DTL: variants seen among roughly 807,000 people sequenced by gnomAD.
The protein encoded by DTL is denticleless protein homolog.
A neutral mutation model predicts 87.0 loss-of-function variants in DTL; 46 were observed. That is an observed-to-expected ratio of 0.53 (90% confidence interval 0.42 to 0.68). DTL has a LOEUF of 0.68. Ranked by LOEUF, DTL falls within the 30% of genes least tolerant of loss-of-function variation. The probability of loss-of-function intolerance (pLI) is 0.00; values close to 1 mark genes in which losing one functional copy is unlikely to be tolerated. For synonymous variants in DTL, 308 were observed against 311.2 expected, an observed-to-expected ratio of 0.99 and a Z score of 0.11; for missense variants, 737 against 869.4, an observed-to-expected ratio of 0.85 and a Z score of 1.91.
rs1045981543 is a variant in DTL at position 212,101,052 on chromosome 1, A to G, written c.2062A>G (p.Arg688Gly). Residue 688 changes from arginine to glycine, a missense_variant, in exon 14 of 15, where the codon AGG becomes GGG. Coordinates refer to ENST00000366991, the MANE Select transcript of DTL (RefSeq NM_016448.4). Reference sequence around the variant, plus strand: ...TCCGTCATCCCAGACACCCAATTCCAGGAGACAGAGCGGAAAGAAATTGCC... The same window carrying G: ...TCCGTCATCCCAGACACCCAATTCCGGGAGACAGAGCGGAAAGAAATTGCC... Reference protein sequence around the residue: ...RSPSSQTPNSRRQSGKKLPSP... With the variant: ...RSPSSQTPNSGRQSGKKLPSP... 2 of 1,612,254 alleles carry G rather than the reference A, an allele frequency of 1.2e-6. No individual in the cohort carries two copies. The highest frequency in any genetic ancestry group is 1.7e-6 in the Non-Finnish European group (2 of 1,179,092).
intron 1 of DTL, among the ~76,000 whole-genome samples, chr1:212,036,414 A>T (rs1667463817): frequency 6.6e-6 from 1 of 152,204 alleles, no homozygotes; most frequent in Non-Finnish European, 1.5e-5. Flanking sequence ...AAGACAGGAT[A>T]TCTGCTTCTA....
chr1:212,044,211 A>G (rs114833707), intron 2 of DTL, among the ~76,000 whole-genome samples: 1,642 of 152,342 alleles, frequency 0.011, 30 homozygotes, highest in African/African-American at 0.037. Flanking sequence ...TTTGTTTGCC[A>G]TTGGCCAGTA....
intron 13 of DTL, among the ~76,000 whole-genome samples, chr1:212,087,392 C>CA (rs780944964): frequency 3.8e-4 from 57 of 151,468 alleles, no homozygotes; most frequent in Admixed American, 2.0e-3. Flanking sequence ...ACTAAAAATA[C>CA]AAAAAAAATT....
chr1:212,062,734 G>T, intron 5 of DTL, 150 bp from the exon 6 acceptor site: 2 of 569,220 alleles, frequency 3.5e-6, no homozygotes, highest in Admixed American at 3.4e-5. Flanking sequence ...TTTCCTATTT[G>T]TTATTGAGCC....
intron 5 of DTL, among the ~76,000 whole-genome samples, chr1:212,054,877 G>A (rs947186682): frequency 3.3e-5 from 5 of 151,310 alleles, no homozygotes; most frequent in African/African-American, 1.2e-4. Flanking sequence ...TTCTATTTTA[G>A]GCGGAGTAAA....
chr1:212,079,827 T>C (rs75468809), intron 12 of DTL, among the ~76,000 whole-genome samples: 3,994 of 152,286 alleles, frequency 0.026, 59 homozygotes, highest in African/African-American at 0.047. Flanking sequence ...AAGCTGCCAG[T>C]CTCTTGGGGG....
At chr1:212,086,242 A>T (rs1655125958) in intron 13 of DTL, among the ~76,000 whole-genome samples, 1 of 152,106 alleles carries the variant, frequency 6.6e-6, no homozygotes, top group Admixed American at 6.6e-5. Flanking sequence ...TGGTCCATGA[A>T]CTTGGATGTC....
chr1:212,081,979 G>A (rs1428202377), intron 13 of DTL, among the ~76,000 whole-genome samples: 1 of 152,170 alleles, frequency 6.6e-6, no homozygotes, highest in Non-Finnish European at 1.5e-5. Flanking sequence ...CACACAGGGT[G>A]AAGATAGCTA....
intron 13 of DTL, among the ~76,000 whole-genome samples, chr1:212,083,551 G>A (rs1334891192): frequency 6.6e-6 from 1 of 152,150 alleles, no homozygotes; most frequent in Non-Finnish European, 1.5e-5. Context: ...TAAGATAATG[G>A]AAGATTTCCA....
intron 13 of DTL, among the ~76,000 whole-genome samples, chr1:212,098,870 C>A (rs1655526522): frequency 6.6e-6 from 1 of 152,132 alleles, no homozygotes; most frequent in Non-Finnish European, 1.5e-5. Context: ...GTCCATCTGC[C>A]TGCCACAGCT....
At chr1:212,073,498 A>AT (rs1654736560) in intron 11 of DTL, among the ~76,000 whole-genome samples, 1 of 151,998 alleles carries the variant, frequency 6.6e-6, no homozygotes, top group South Asian at 2.1e-4. Flanking sequence ...AATATTGCTA[A>AT]TTTTTTTTAG....
rs75019806 is a variant in DTL at position 212,098,687 on chromosome 1, G to A, written c.1262-1565G>A. On this transcript the variant is annotated intron_variant, in intron 13 of 14. Transcript: ENST00000366991. ...TTCATACACATCACCAGGGAAATAG[G>A]GGAAAGCCGGCAGTGACAGACCACA... Among the ~76,000 whole-genome samples the A allele has an allele frequency of 6.2e-3, 936 of 152,050 alleles. 5 individuals carry two copies. The highest frequency in any genetic ancestry group is 0.021 in the African/African-American group (871 of 41,454).
chr1:212,035,863 C>G lies in DTL; in HGVS notation c.-28C>G, dbSNP rs370109409. ...TTGGAGGCATTTCTACGACTTTTCT[C>G]TCAGCTGAGGCTTTTCCTCCGACCC... On this transcript the variant is annotated 5_prime_UTR_variant, in exon 1 of 15. Transcript: ENST00000366991. 1 of 1,613,350 alleles carries G rather than the reference C, an allele frequency of 6.2e-7. No individual in the cohort carries two copies. The highest frequency in any genetic ancestry group is 1.3e-5 in the African/African-American group (1 of 74,908).
chr1:212,083,198 A>G (rs1434858460), intron 13 of DTL, among the ~76,000 whole-genome samples: 3 of 152,222 alleles, frequency 2.0e-5, no homozygotes, highest in Non-Finnish European at 4.4e-5. Flanking sequence ...CACATTTTAC[A>G]TGGATGGCGG....
intron 5 of DTL, among the ~76,000 whole-genome samples, chr1:212,060,599 G>A (rs1417012680): frequency 6.6e-6 from 1 of 152,026 alleles, no homozygotes; most frequent in Non-Finnish European, 1.5e-5. Context: ...AGCTTGACGT[G>A]GTAGGCGCGC....
intron 5 of DTL, among the ~76,000 whole-genome samples, chr1:212,055,970 C>T (rs1668162082): frequency 6.6e-6 from 1 of 152,350 alleles, no homozygotes; most frequent in Non-Finnish European, 1.5e-5. Context: ...TGGCACCAAC[C>T]TGTACATGCA....
intron 14 of DTL, 59 bp downstream of exon 14, chr1:212,101,143 A>T (rs12722945): frequency 8.0e-6 from 9 of 1,131,614 alleles, no homozygotes; most frequent in Non-Finnish European, 1.1e-5. Context: ...AGACACCCAG[A>T]TGTCTCAAGT....
At chr1:212,058,438 A>G (rs1335896332) in intron 5 of DTL, among the ~76,000 whole-genome samples, 1 of 152,162 alleles carries the variant, frequency 6.6e-6, no homozygotes, top group East Asian at 1.9e-4. Flanking sequence ...ATTAGGCAGT[A>G]TGATTATGAA....
chr1:212,043,731 G>A (rs1465785771), intron 2 of DTL, among the ~76,000 whole-genome samples: 5 of 151,254 alleles, frequency 3.3e-5, no homozygotes, highest in African/African-American at 1.2e-4. Context: ...TTGGGATGCT[G>A]AGACAAGAGA....
Sources: gnomAD v4.1 joint callset for allele counts (sites outside exome capture counted in the v4.1 genomes callset) on GRCh38, gnomAD v4.1.1 for gene constraint, MANE v1.5 for transcripts, NCBI Gene and HGNC (gene_info 2026-07-23, HGNC 2026-07-21) for gene names.